Variants in RALYL observed in about 807,000 individuals in gnomAD.
RALYL encodes RALY RNA binding protein like.
Under a neutral mutation model 35.1 loss-of-function variants are expected in RALYL, and 29 were observed. The observed-to-expected ratio is 0.83, with a 90% CI of 0.61 to 1.13. The LOEUF (loss-of-function observed/expected upper bound fraction) is 1.13. Ranked by LOEUF, RALYL falls within the 50% of genes most tolerant of loss-of-function variation. The pLI, the probability that RALYL is intolerant of heterozygous loss-of-function variation, is 0.00. For synonymous variants in RALYL, 120 were observed against 127.6 expected (o/e 0.94, Z 0.40); for missense variants, 359 against 360.4 (o/e 1.00, Z 0.03).
intron 1 of RALYL, among the ~76,000 whole-genome samples, chr8:84,505,862 A>T (rs2057126521): frequency 6.6e-6 from 1 of 152,148 alleles, no homozygotes; most frequent in African/African-American, 2.4e-5. Context: ...TAAATTTCAT[A>T]AAAATGTTGG....
intron 1 of RALYL, among the ~76,000 whole-genome samples, chr8:84,270,614 T>G (rs1484860901): frequency 1.3e-5 from 2 of 151,888 alleles, no homozygotes; most frequent in East Asian, 3.9e-4. Context: ...TATCTTTCTA[T>G]AAAACATTAT....
chr8:84,387,214 C>G (rs1014862777), intron 1 of RALYL, among the ~76,000 whole-genome samples: 1 of 151,792 alleles, frequency 6.6e-6, no homozygotes, highest in South Asian at 2.1e-4. Context: ...TTTCTGTGTG[C>G]CAGGTACTAT....
intron 2 of RALYL, among the ~76,000 whole-genome samples, chr8:84,675,619 C>T (rs1283553315): frequency 6.6e-6 from 1 of 151,998 alleles, no homozygotes; most frequent in Non-Finnish European, 1.5e-5. Flanking sequence ...CAAATTGAAA[C>T]ATCTCTTTTT....
chr8:84,420,008 G>A lies in RALYL; in HGVS notation c.-23-109291G>A, dbSNP rs1243704625. Among the ~76,000 whole-genome samples, 962 of 150,146 alleles carry A rather than the reference G, an allele frequency of 6.4e-3. 14 individuals carry two copies. Among genetic ancestry groups the A allele is most frequent in the African/African-American group, 0.022 (896 of 40,254 alleles). On this transcript the variant is annotated intron_variant, in intron 1 of 8. Coordinates refer to ENST00000521268, the MANE Select transcript of RALYL (RefSeq NM_173848.7). ...GTGAATAATGCCGCAATAAACATAC[G>A]TGTGCATGTGTCTTTATAGCAGCAT...
chr8:84,318,742 A>T (rs1219811771), intron 1 of RALYL, among the ~76,000 whole-genome samples: 1 of 152,236 alleles, frequency 6.6e-6, no homozygotes, highest in Non-Finnish European at 1.5e-5. Context: ...GAGTGATAAA[A>T]GAGTTGAGAG....
At chr8:84,873,053 C>G in intron 6 of RALYL, 1 of 370,434 alleles carries the variant, frequency 2.7e-6, no homozygotes, top group East Asian at 4.1e-5. Context: ...AACCTTCAGT[C>G]AAAAGATTTA....
chr8:84,470,446 C>T (rs1587590404), intron 1 of RALYL, among the ~76,000 whole-genome samples: 1 of 148,172 alleles, frequency 6.7e-6, no homozygotes, highest in East Asian at 2.0e-4. Context: ...ATTGAAAGGC[C>T]AAGGTGTGAC....
intron 8 of RALYL, among the ~76,000 whole-genome samples, chr8:84,919,592 G>A (rs1849003970): frequency 6.6e-6 from 1 of 151,932 alleles, no homozygotes; most frequent in Non-Finnish European, 1.5e-5. Context: ...TATGTGATCA[G>A]TGTACAGTAT....
intron 1 of RALYL, among the ~76,000 whole-genome samples, chr8:84,351,298 T>C (rs1850837446): frequency 6.7e-6 from 1 of 150,316 alleles, no homozygotes; most frequent in Non-Finnish European, 1.5e-5. Context: ...GAAACTGTCA[T>C]GATATTAATA....
chr8:84,245,624 TATCAC>T (rs1828920991), intron 1 of RALYL, among the ~76,000 whole-genome samples: 1 of 152,186 alleles, frequency 6.6e-6, no homozygotes, highest in South Asian at 2.1e-4. Flanking sequence ...GCATATGACT[TATCAC>T]ATCTAAGATG....
chr8:84,583,522 T>A (rs2136006533), intron 2 of RALYL, among the ~76,000 whole-genome samples: 1 of 152,266 alleles, frequency 6.6e-6, no homozygotes, highest in African/African-American at 2.4e-5. Context: ...AATGTTAGAA[T>A]GTATTTCAGT....
chr8:84,617,173 T>C (rs1030639859), intron 2 of RALYL, among the ~76,000 whole-genome samples: 1 of 150,826 alleles, frequency 6.6e-6, no homozygotes, highest in Non-Finnish European at 1.5e-5. Context: ...ATCTATAAAT[T>C]ACCTTGGGCA....
chr8:84,478,220 A>G (rs925008099), intron 1 of RALYL, among the ~76,000 whole-genome samples: 1 of 152,116 alleles, frequency 6.6e-6, no homozygotes, highest in Non-Finnish European at 1.5e-5. Context: ...TTATGTCTTA[A>G]TGAAATCCAC....
At chr8:84,712,656 TCTAC>T (rs1407362240) in intron 2 of RALYL, among the ~76,000 whole-genome samples, 1 of 152,160 alleles carries the variant, frequency 6.6e-6, no homozygotes, top group Non-Finnish European at 1.5e-5. Flanking sequence ...TGCATTTATA[TCTAC>T]ACTTGCATAA....
chr8:84,387,961 A>T (rs1355212404), intron 1 of RALYL, among the ~76,000 whole-genome samples: 1 of 151,932 alleles, frequency 6.6e-6, no homozygotes, highest in East Asian at 1.9e-4. Context: ...GTCATCTAGC[A>T]TTAGGTATAT....
intron 1 of RALYL, among the ~76,000 whole-genome samples, chr8:84,471,310 C>A (rs1157973848): frequency 6.6e-6 from 1 of 151,912 alleles, no homozygotes; most frequent in Non-Finnish European, 1.5e-5. Context: ...CAGCCAGGGA[C>A]AGTGTCTCAC....
intron 1 of RALYL, among the ~76,000 whole-genome samples, chr8:84,352,038 G>A (rs1851001211): frequency 1.3e-5 from 2 of 150,396 alleles, no homozygotes; most frequent in Admixed American, 1.3e-4. Flanking sequence ...TGGAGACGAA[G>A]CTGCAGAGAA....
At chr8:84,530,811 A>G (rs1388831071) in intron 2 of RALYL, among the ~76,000 whole-genome samples, 2 of 152,144 alleles carry the variant, frequency 1.3e-5, no homozygotes, top group Admixed American at 6.5e-5. Context: ...CTTCAATTCT[A>G]TCTCCTTATT....
At chr8:84,677,008 G>A (rs954619106) in intron 2 of RALYL, among the ~76,000 whole-genome samples, 3 of 152,094 alleles carry the variant, frequency 2.0e-5, no homozygotes, top group Middle Eastern at 3.4e-3. Flanking sequence ...CACCATATTG[G>A]CCAGGCTGGT....
Sources: allele counts gnomAD v4.1 joint callset (sites outside exome capture counted in the v4.1 genomes callset), GRCh38; gene constraint gnomAD v4.1.1; transcripts MANE v1.5; gene names NCBI Gene and HGNC (gene_info 2026-07-23, HGNC 2026-07-21).